RALGAPA2: variants seen among roughly 807,000 people sequenced by gnomAD.
RALGAPA2 encodes the protein ral GTPase-activating protein subunit alpha-2.
In RALGAPA2, 139 loss-of-function variants were observed where a neutral mutation model predicts 230.4. The ratio of observed to expected loss-of-function variants is 0.60; its 90% CI spans 0.53 to 0.69. The LOEUF is 0.69. RALGAPA2 is among the 30% of genes least tolerant of loss of function. The pLI, the probability that RALGAPA2 is intolerant of heterozygous loss-of-function variation, is 0.00. For missense variants in RALGAPA2, 2,163 were observed against 2,276.0 expected (o/e 0.95, Z 1.01); for synonymous variants, 847 against 837.8 (o/e 1.01, Z -0.19).
At chr20:20,702,253 C>A (rs1384775030) in intron 1 of RALGAPA2, among the ~76,000 whole-genome samples, 2 of 152,052 alleles carry the variant, frequency 1.3e-5, no homozygotes, top group Non-Finnish European at 2.9e-5. Context: ...ACAACACCAT[C>A]CAGGAAATGG....
chr20:20,463,792 A>G (rs1013112781), intron 37 of RALGAPA2, among the ~76,000 whole-genome samples: 1 of 152,238 alleles, frequency 6.6e-6, no homozygotes, highest in Non-Finnish European at 1.5e-5. Context: ...GAATACTCAG[A>G]CATTAATAAA....
chr20:20,512,580 G>C lies in RALGAPA2; in HGVS notation c.4789C>G (p.Pro1597Ala), dbSNP rs567564269. 1 of 1,613,856 alleles carries C rather than the reference G, an allele frequency of 6.2e-7. No homozygotes were observed. The highest frequency in any genetic ancestry group is 1.1e-5 in the South Asian group (1 of 91,064). ...TSQGQPSPVE[P>A]RGPFYFCRLL... ...CTGCAGAAATAAAAGGGTCCTCGGG[G>C]CTCCACTGGGGAGGGCTGCCCTTGG... is the stretch of plus-strand genomic sequence containing the variant. The change falls in exon 32 of 40, where the codon CCC (proline) becomes GCC (alanine). Residue 1597 changes from proline (P) to alanine (A), a missense_variant. By Grantham distance (27) the Pro-to-Ala change is conservative. Coordinates refer to ENST00000202677, the MANE Select transcript of RALGAPA2 (RefSeq NM_020343.4).
intron 1 of RALGAPA2, among the ~76,000 whole-genome samples, chr20:20,683,173 C>G (rs559905879): frequency 1.3e-5 from 2 of 152,334 alleles, no homozygotes; most frequent in Non-Finnish European, 2.9e-5. Flanking sequence ...TTAACACGTA[C>G]GTGTTCCAGC....
chr20:20,505,480 C>T lies in RALGAPA2; in HGVS notation c.4983G>A (p.Lys1661=). The T allele has an allele frequency of 1.9e-6, 3 of 1,605,046 alleles. No homozygotes were observed. Among genetic ancestry groups the T allele is most frequent in the Non-Finnish European group, 2.6e-6 (3 of 1,174,950 alleles). ...CTCTTTCATTAGAGAGGATTGAACA[C>T]TTGTCTTCTTGACCTTCAGCAATGT... ...VFYIAEGQED[K]CSILSNERGS... The change falls in exon 34 of 40, where the codon AAG becomes AAA. Residue 1661 remains lysine (K), a synonymous_variant. Coordinates refer to ENST00000202677, the MANE Select transcript of RALGAPA2 (RefSeq NM_020343.4).
At chr20:20,580,865 T>C (rs915572159) in intron 20 of RALGAPA2, among the ~76,000 whole-genome samples, 17 of 152,242 alleles carry the variant, frequency 1.1e-4, no homozygotes, top group Non-Finnish European at 2.1e-4. Flanking sequence ...AAGCATTTGA[T>C]AACTGGTAGG....
chr20:20,396,652 A>G, intron 39 of RALGAPA2, 43 bp downstream of exon 39: 2 of 1,562,470 alleles, frequency 1.3e-6, no homozygotes, highest in Non-Finnish European at 1.8e-6. Flanking sequence ...CCCCCTCCCC[A>G]AAGCAGGGTG....
intron 13 of RALGAPA2, among the ~76,000 whole-genome samples, chr20:20,614,540 C>T (rs956119040): frequency 2.0e-5 from 3 of 152,202 alleles, no homozygotes; most frequent in Non-Finnish European, 4.4e-5. Context: ...TTGTGCATCA[C>T]TGTAATATTT....
chr20:20,472,842 G>A lies in RALGAPA2; in HGVS notation c.5482C>T (p.Leu1828Phe), dbSNP rs1323054157. 1 of 1,612,946 alleles carries A rather than the reference G, an allele frequency of 6.2e-7. No individual in the cohort carries two copies. The highest frequency in any genetic ancestry group is 1.1e-5 in the South Asian group (1 of 90,892). The change falls in exon 37 of 40, where the codon CTC (leucine) becomes TTC (phenylalanine). Residue 1828 changes from leucine (L) to phenylalanine (F), a missense_variant. Coordinates refer to ENST00000202677, the MANE Select transcript of RALGAPA2 (RefSeq NM_020343.4). The part of the protein sequence containing the change: ...ASRAVKCLIP[L>F]YQSFYEERAL... ...GCAAAAAGATACAAGCTCTGGTAGA[G>A]TGGGATGAGGCACTTCACAGCCCTG...
chr20:20,629,902 T>A (rs1168455227), intron 9 of RALGAPA2, among the ~76,000 whole-genome samples: 1 of 152,244 alleles, frequency 6.6e-6, no homozygotes, highest in Non-Finnish European at 1.5e-5. Context: ...AATAAATTAA[T>A]GTGTAAAAAC....
chr20:20,641,949 C>G (rs529331254), intron 5 of RALGAPA2, among the ~76,000 whole-genome samples: 2 of 151,734 alleles, frequency 1.3e-5, no homozygotes, highest in East Asian at 3.9e-4. Flanking sequence ...GGTGACAGTA[C>G]TGCCCCATTA....
chr20:20,702,713 T>C (rs2069434244), intron 1 of RALGAPA2, among the ~76,000 whole-genome samples: 1 of 152,160 alleles, frequency 6.6e-6, no homozygotes, highest in African/African-American at 2.4e-5. Flanking sequence ...ATGGCTCTCA[T>C]AGTCAGGCAC....
At chr20:20,580,080 T>C (rs943611510) in intron 20 of RALGAPA2, among the ~76,000 whole-genome samples, 3 of 152,202 alleles carry the variant, frequency 2.0e-5, no homozygotes, top group African/African-American at 4.8e-5. Flanking sequence ...TCTCAGAGCA[T>C]CTAAATCAGT....
intron 37 of RALGAPA2, among the ~76,000 whole-genome samples, chr20:20,449,342 A>G (rs2060936293): frequency 6.6e-6 from 1 of 152,266 alleles, no homozygotes; most frequent in African/African-American, 2.4e-5. Context: ...GTGTGAGTCT[A>G]CAAAGAGTTA....
intron 37 of RALGAPA2, among the ~76,000 whole-genome samples, chr20:20,414,789 G>T (rs890052185): frequency 1.3e-5 from 2 of 152,176 alleles, no homozygotes; most frequent in Admixed American, 6.5e-5. Flanking sequence ...TTCATAGAAG[G>T]TTCCTGACCC....
chr20:20,490,364 C>T (rs1474176115), intron 36 of RALGAPA2, among the ~76,000 whole-genome samples: 1 of 152,142 alleles, frequency 6.6e-6, no homozygotes, highest in African/African-American at 2.4e-5. Flanking sequence ...ATGCTAATAA[C>T]AATAATAATA....
intron 8 of RALGAPA2, 52 bp downstream of exon 8, chr20:20,637,311 C>T (rs755542779): frequency 3.0e-5 from 42 of 1,416,426 alleles, no homozygotes; most frequent in Admixed American, 1.6e-4. Flanking sequence ...TTGAAAGAGA[C>T]TGCATAGCTT....
intron 24 of RALGAPA2, among the ~76,000 whole-genome samples, chr20:20,543,444 G>A (rs985082016): frequency 2.4e-4 from 36 of 152,202 alleles, no homozygotes; most frequent in African/African-American, 7.7e-4. Flanking sequence ...TGTTTATAGC[G>A]GCACTATTCA....
intron 39 of RALGAPA2, 76 bp downstream of exon 39, chr20:20,396,619 G>A (rs1421666271): frequency 3.6e-6 from 5 of 1,385,510 alleles, no homozygotes; most frequent in East Asian, 2.5e-5. Context: ...CGCTACCGAG[G>A]GCAGCCGATT....
intron 37 of RALGAPA2, among the ~76,000 whole-genome samples, chr20:20,469,109 T>C (rs141336961): frequency 2.0e-5 from 3 of 152,320 alleles, no homozygotes; most frequent in African/African-American, 7.2e-5. Flanking sequence ...TCTTCACATT[T>C]CTATTCCTAG....
Sources: allele counts gnomAD v4.1 joint callset (sites outside exome capture counted in the v4.1 genomes callset), GRCh38; gene constraint gnomAD v4.1.1; transcripts MANE v1.5; gene names NCBI Gene and HGNC (gene_info 2026-07-23, HGNC 2026-07-21).